The following MAP3K4 variants were observed in gnomAD, a reference collection of about 807,000 sequenced individuals.
MAP3K4 encodes mitogen-activated protein kinase kinase kinase 4, also known as MAP three kinase 1.
MAP3K4 carries 67 observed loss-of-function variants against 185.6 expected under a neutral mutation model. That is an observed-to-expected ratio of 0.36 (90% CI 0.30 to 0.44). The LOEUF is 0.44. Among genes scored for constraint, MAP3K4 ranks in the 20% least tolerant of loss-of-function variants. The pLI, the probability that MAP3K4 is intolerant of heterozygous loss-of-function variation, is 1.00. For missense variants in MAP3K4, 1,551 were observed against 1,995.1 expected (o/e 0.78, Z 4.24); for synonymous variants, 702 against 710.4 (o/e 0.99, Z 0.19).
Position 161,073,555 on chromosome 6 carries a change from G to C in MAP3K4, c.2040G>C (p.Leu680Phe). 6.2e-7 allele frequency: 1 copy of C among 1,614,044 alleles called. No homozygotes were observed. The highest frequency in any genetic ancestry group is 8.5e-7 in the Non-Finnish European group (1 of 1,179,964). Reference sequence around the variant, plus strand: ...TGCTGCAGGAGGTTCTGGAGGACTTGGAGAAGCCCGACTGCAACATTGACG... The same window carrying C: ...TGCTGCAGGAGGTTCTGGAGGACTTCGAGAAGCCCGACTGCAACATTGACG... ...QFMLQEVLED[L>F]EKPDCNIDAF... The change falls in exon 5 of 27, where the codon TTG (leucine) becomes TTC (phenylalanine). Residue 680 changes from leucine (L) to phenylalanine (F), a missense_variant. Coordinates refer to ENST00000392142, the MANE Select transcript of MAP3K4 (RefSeq NM_005922.4). The surrounding 1 kb of genome is among the most constrained non-coding windows in gnomAD (Gnocchi z 4.2).
chr6:160,999,914 G>A (rs767802553), intron 1 of MAP3K4, among the ~76,000 whole-genome samples: 5 of 152,102 alleles, frequency 3.3e-5, no homozygotes, highest in African/African-American at 7.2e-5. Flanking sequence ...CATCCACAAC[G>A]TTTTTCCCCC....
intron 1 of MAP3K4, among the ~76,000 whole-genome samples, chr6:161,015,062 A>G (rs1782026181): frequency 6.6e-6 from 1 of 152,024 alleles, no homozygotes; most frequent in African/African-American, 2.4e-5. Context: ...AAGATTTTCA[A>G]GTTTTGTCAT....
intron 3 of MAP3K4, among the ~76,000 whole-genome samples, chr6:161,050,914 GT>G (rs1783973175): frequency 6.6e-6 from 1 of 152,178 alleles, no homozygotes; most frequent in Non-Finnish European, 1.5e-5. Flanking sequence ...AGGTGGTTTG[GT>G]TTTGGGACTT....
At chr6:161,015,910 A>G (rs1358362099) in intron 1 of MAP3K4, among the ~76,000 whole-genome samples, 1 of 152,208 alleles carries the variant, frequency 6.6e-6, no homozygotes, top group Admixed American at 6.5e-5. Context: ...TACCCAAACT[A>G]TAGCAGTGGG....
At chr6:160,998,751 G>A (rs1781125741) in intron 1 of MAP3K4, among the ~76,000 whole-genome samples, 1 of 152,148 alleles carries the variant, frequency 6.6e-6, no homozygotes, top group African/African-American at 2.4e-5. Flanking sequence ...TGTATATTGT[G>A]TTTAAATGCT....
intron 2 of MAP3K4, among the ~76,000 whole-genome samples, chr6:161,045,248 C>G (rs1032362556): frequency 6.6e-6 from 1 of 152,166 alleles, no homozygotes; most frequent in Non-Finnish European, 1.5e-5. Context: ...AAAAGCTTCT[C>G]TGTCCCATCT....
At chr6:161,066,657 T>A (rs1583188145) in intron 3 of MAP3K4, among the ~76,000 whole-genome samples, 1 of 152,196 alleles carries the variant, frequency 6.6e-6, no homozygotes, top group East Asian at 1.9e-4. Flanking sequence ...TTTAGTCTCC[T>A]CTTAAGGAAA....
At chr6:161,081,913 C>T (rs951477809) in intron 6 of MAP3K4, among the ~76,000 whole-genome samples, 1 of 152,158 alleles carries the variant, frequency 6.6e-6, no homozygotes, top group African/African-American at 2.4e-5. Context: ...AGTCCTAGAC[C>T]CCATTGCATT....
chr6:161,009,193 C>G (rs765794278), intron 1 of MAP3K4, among the ~76,000 whole-genome samples: 14 of 152,090 alleles, frequency 9.2e-5, no homozygotes, highest in Non-Finnish European at 1.5e-4. Context: ...CACCTGTTGG[C>G]CAGGATGGTC....
chr6:161,010,030 A>G (rs1781775262), intron 1 of MAP3K4, among the ~76,000 whole-genome samples: 1 of 152,204 alleles, frequency 6.6e-6, no homozygotes, highest in South Asian at 2.1e-4. Flanking sequence ...AAAAAATAAA[A>G]AAGAAAAAGC....
rs140612690 is a variant in MAP3K4 at position 161,034,293 on chromosome 6, A to G, written c.187A>G (p.Ser63Gly). 44 of 1,613,614 alleles carry G rather than the reference A, an allele frequency of 2.7e-5. No individual in the cohort carries two copies. The highest frequency in any genetic ancestry group is 3.3e-5 in the Non-Finnish European group (39 of 1,179,684). Residue 63 changes from serine to glycine, a missense_variant, in exon 2 of 27, where the codon AGT becomes GGT. Transcript: ENST00000392142. The surrounding 1 kb of genome is among the most constrained non-coding windows in gnomAD (Gnocchi z 4.4). ...CACATTGGGAGATTCAGCTTGCAAG[A>G]GTCCTGAATCTGATCTAGAAGACTT... ...EGTLGDSACK[S>G]PESDLEDFSD...
chr6:160,999,640 C>T (rs1334435523), intron 1 of MAP3K4, among the ~76,000 whole-genome samples: 1 of 152,162 alleles, frequency 6.6e-6, no homozygotes, highest in East Asian at 1.9e-4. Flanking sequence ...GCTTTCCCAG[C>T]TGACAGCTTA....
chr6:161,023,754 C>T lies in MAP3K4; in HGVS notation c.153-10505C>T, dbSNP rs115742236. The stretch of plus-strand genomic sequence containing the variant: ...TTTAAATGGCATTTTTTCAGCCTAT[C>T]ATTTTGAAGTTGTTTACAACCACAA... On this transcript the variant is annotated intron_variant, in intron 1 of 26. Coordinates refer to ENST00000392142, the MANE Select transcript of MAP3K4 (RefSeq NM_005922.4). Among the ~76,000 whole-genome samples, 1,004 of 152,290 alleles carry T rather than the reference C, an allele frequency of 6.6e-3. 15 individuals are homozygous for T. The highest frequency in any genetic ancestry group is 0.023 in the African/African-American group (966 of 41,574).
intron 15 of MAP3K4, among the ~76,000 whole-genome samples, chr6:161,095,065 G>A (rs1363978720): frequency 6.6e-6 from 1 of 152,148 alleles, no homozygotes; most frequent in African/African-American, 2.4e-5. Flanking sequence ...CATACTTCCT[G>A]AATCCAAAGG....
intron 2 of MAP3K4, among the ~76,000 whole-genome samples, chr6:161,035,597 T>G (rs1783128133): frequency 6.6e-6 from 1 of 152,212 alleles, no homozygotes; most frequent in Admixed American, 6.5e-5. Context: ...AAATTTGATT[T>G]GCTGTAATTT....
chr6:161,059,455 T>C (rs1169241558), intron 3 of MAP3K4, among the ~76,000 whole-genome samples: 1 of 152,198 alleles, frequency 6.6e-6, no homozygotes, highest in Non-Finnish European at 1.5e-5. Context: ...TTCTCTTCAT[T>C]TCTAGTGACA....
intron 3 of MAP3K4, among the ~76,000 whole-genome samples, chr6:161,052,430 G>A (rs1005200607): frequency 3.3e-5 from 5 of 152,106 alleles, no homozygotes; most frequent in African/African-American, 9.7e-5. Context: ...AAAGAAACAC[G>A]AATTCAAAGT....
rs1016218396 is a variant in MAP3K4, at chr6:161,077,458, C to T, written c.2098-3423C>T. On this transcript the variant is annotated intron_variant, in intron 5 of 26. Transcript: ENST00000392142. This position sits in a 1 kb window ranked among gnomAD's most constrained non-coding sequence, Gnocchi z 4.3. ...TTATAAAGAGAGGGATCAAGAGAAG[C>T]CCCTTTTTGGTAGCAGGTGCGGTCC... is the stretch of plus-strand genomic sequence containing the variant. Among the ~76,000 whole-genome samples, 9 of 152,160 alleles carry T rather than the reference C, an allele frequency of 5.9e-5. No individual in the cohort carries two copies. The highest frequency in any genetic ancestry group is 2.2e-4 in the African/African-American group (9 of 41,436).
At chr6:161,057,720 T>C (rs1784307440) in intron 3 of MAP3K4, among the ~76,000 whole-genome samples, 2 of 152,260 alleles carry the variant, frequency 1.3e-5, no homozygotes, top group Admixed American at 1.3e-4. Flanking sequence ...TGCTGCTTAA[T>C]ACAGTTGTTA....
Sources: gnomAD v4.1 joint callset for allele counts (sites outside exome capture counted in the v4.1 genomes callset) on GRCh38, gnomAD v4.1.1 for gene constraint, Gnocchi (gnomAD v3.1) non-coding constraint, MANE v1.5 for transcripts, NCBI Gene and HGNC (gene_info 2026-07-23, HGNC 2026-07-21) for gene names.